CACNA1B: variants seen among roughly 807,000 people sequenced by gnomAD.
The protein encoded by CACNA1B is voltage-dependent N-type calcium channel subunit alpha-1B.
Under a neutral mutation model 247.2 loss-of-function variants are expected in CACNA1B, and 70 were observed. The observed-to-expected ratio is 0.28, with a 90% CI of 0.23 to 0.35. CACNA1B has a LOEUF of 0.35. Ranked by LOEUF, CACNA1B falls within the 10% of genes least tolerant of loss-of-function variation. The pLI, the probability that CACNA1B is intolerant of heterozygous loss-of-function variation, is 1.00. For synonymous variants in CACNA1B, 1,231 were observed against 1,294.4 expected (o/e 0.95, Z 1.05); for missense variants, 2,367 against 3,197.4 (o/e 0.74, Z 6.26).
chr9:138,069,928 C>T (rs1349039595), intron 32 of CACNA1B, among the ~76,000 whole-genome samples, 165 bp downstream of exon 32: 1 of 152,226 alleles, frequency 6.6e-6, no homozygotes, highest in Non-Finnish European at 1.5e-5. Context: ...TCCCTCGGCT[C>T]TGGGCATTCA....
intron 44 of CACNA1B, 144 bp from the exon 45 acceptor site, chr9:138,120,021 C>A: frequency 1.4e-6 from 1 of 694,626 alleles, no homozygotes. Flanking sequence ...GCTACCATTT[C>A]AGGCCTGGGT....
intron 15 of CACNA1B, among the ~76,000 whole-genome samples, chr9:138,000,166 TC>T (rs1183814026): frequency 6.6e-6 from 1 of 151,310 alleles, no homozygotes; most frequent in African/African-American, 2.4e-5. Context: ...TGGTGCGATC[TC>T]GGCTCACTGC....
intron 10 of CACNA1B, among the ~76,000 whole-genome samples, chr9:137,965,955 T>C (rs900114730): frequency 6.6e-6 from 1 of 152,260 alleles, no homozygotes; most frequent in African/African-American, 2.4e-5. Context: ...CTGTATAGTT[T>C]GGGCAATATA....
At chr9:137,909,282 G>T (rs143116644) in intron 3 of CACNA1B, among the ~76,000 whole-genome samples, 1 of 152,146 alleles carries the variant, frequency 6.6e-6, no homozygotes, top group Non-Finnish European at 1.5e-5. Flanking sequence ...GAGCCACTGC[G>T]CCCGGCTTTG....
intron 6 of CACNA1B, among the ~76,000 whole-genome samples, chr9:137,931,628 A>C (rs1957609024): frequency 1.3e-5 from 2 of 151,936 alleles, no homozygotes; most frequent in Admixed American, 1.3e-4. Flanking sequence ...TTCTTCAGTA[A>C]CTGCTTCATG....
intron 6 of CACNA1B, among the ~76,000 whole-genome samples, chr9:137,921,886 C>T (rs1292776210): frequency 6.9e-6 from 1 of 145,734 alleles, no homozygotes; most frequent in African/African-American, 2.6e-5. Context: ...ACTGCAGCCG[C>T]GCAGCATCCT....
chr9:137,959,934 A>C (rs1957991304), intron 10 of CACNA1B, among the ~76,000 whole-genome samples: 1 of 152,188 alleles, frequency 6.6e-6, no homozygotes, highest in Admixed American at 6.5e-5. Flanking sequence ...TCAGGAAGGC[A>C]GGAGTGGAAG....
At chr9:138,035,120 G>T (rs139430421) in intron 20 of CACNA1B, among the ~76,000 whole-genome samples, 1 of 152,270 alleles carries the variant, frequency 6.6e-6, no homozygotes, top group African/African-American at 2.4e-5. Flanking sequence ...ACCTCAGTTC[G>T]TCTCATCATG....
intron 39 of CACNA1B, among the ~76,000 whole-genome samples, chr9:138,107,364 G>A (rs566443904): frequency 2.9e-4 from 44 of 151,394 alleles, no homozygotes; most frequent in African/African-American, 9.2e-4. Context: ...CTCCTGCCTC[G>A]GCCTCCCAAA....
chr9:138,016,737 G>A (rs1241988096), intron 18 of CACNA1B, among the ~76,000 whole-genome samples: 2 of 152,172 alleles, frequency 1.3e-5, no homozygotes, highest in African/African-American at 4.8e-5. Context: ...CATCTTGAGG[G>A]CCGGGAGACC....
At chr9:138,045,897 C>G (rs575774593) in intron 21 of CACNA1B, among the ~76,000 whole-genome samples, 1 of 152,174 alleles carries the variant, frequency 6.6e-6, no homozygotes, top group South Asian at 2.1e-4. Flanking sequence ...CTTGGGGGTT[C>G]GCAGGTGTGG....
rs267602181 is a variant in CACNA1B, at chr9:138,059,171, C to T, written c.4566C>T (p.Ile1522=). The change falls in exon 30 of 47, where the codon ATC becomes ATT. Residue 1522 remains isoleucine, a synonymous_variant. Coordinates refer to ENST00000371372, the MANE Select transcript of CACNA1B (RefSeq NM_000718.4). The surrounding 1 kb of genome is among the most constrained non-coding windows in gnomAD (Gnocchi z 4.2). ...SMFSMECVLK[I]IAFGVLNYFR... is the part of the protein sequence containing the mutation. ...TCTCCATGGAATGCGTGCTGAAGATCATCGCCTTTGGGGTGCTGGTACGTG... is the reference window on the plus strand; with the variant it reads ...TCTCCATGGAATGCGTGCTGAAGATTATCGCCTTTGGGGTGCTGGTACGTG... The T allele has an allele frequency of 1.9e-6, 3 of 1,608,636 alleles. No homozygotes were observed. The highest frequency in any genetic ancestry group is 2.6e-6 in the Non-Finnish European group (3 of 1,175,274).
intron 21 of CACNA1B, among the ~76,000 whole-genome samples, chr9:138,045,328 CT>C (rs1425800143): frequency 6.6e-6 from 1 of 152,102 alleles, no homozygotes; most frequent in Non-Finnish European, 1.5e-5. Context: ...CAGCAGGGCC[CT>C]TTTATGGGGA....
chr9:137,992,780 G>A (rs1210614558), intron 15 of CACNA1B, among the ~76,000 whole-genome samples: 1 of 145,122 alleles, frequency 6.9e-6, no homozygotes, highest in African/African-American at 2.6e-5. Flanking sequence ...CTGGGCGACA[G>A]AGCGAGACTC....
In CACNA1B at chr9:138,075,922, G is replaced by T; in HGVS notation, c.4949+12G>T. 6.4e-7 allele frequency: 1 copy of T among 1,572,820 alleles called. No individual in the cohort carries two copies. The highest frequency in any genetic ancestry group is 8.7e-7 in the Non-Finnish European group (1 of 1,146,686). On this transcript the variant is annotated intron_variant, in intron 35 of 46. Coordinates refer to ENST00000371372, the MANE Select transcript of CACNA1B (RefSeq NM_000718.4). ...ATGCTGCTGTTCAGGTGTGTTGTTCGGTCAGCCCAGGCCAATGTCTGCTCT... is the reference window on the plus strand; with the variant it reads ...ATGCTGCTGTTCAGGTGTGTTGTTCTGTCAGCCCAGGCCAATGTCTGCTCT...
intron 20 of CACNA1B, among the ~76,000 whole-genome samples, chr9:138,030,387 A>G (rs1006305056): frequency 4.6e-5 from 7 of 151,660 alleles, no homozygotes; most frequent in African/African-American, 1.5e-4. Flanking sequence ...ATGGTATTTT[A>G]TATTGATTTA....
chr9:138,111,774 G>A (rs77732577), intron 39 of CACNA1B, among the ~76,000 whole-genome samples: 2,873 of 151,344 alleles, frequency 0.019, 26 homozygotes, highest in Middle Eastern at 0.041. Context: ...CTGGCCCTTC[G>A]GGTGACACAG....
chr9:137,924,883 G>C (rs896971890), intron 6 of CACNA1B, among the ~76,000 whole-genome samples: 8 of 152,226 alleles, frequency 5.3e-5, no homozygotes, highest in Admixed American at 5.2e-4. Context: ...AAAGGAAGCG[G>C]ACCTTGGTGT....
rs546807850 is a variant in CACNA1B, at chr9:138,020,719, G to C, written c.2268-2292G>C. ...GCTGCTCAGCATGTTGCTCTGCCTGGGTGGTCACGGGGGAGCCTGCCAGCC... is the reference window on the plus strand; with the variant it reads ...GCTGCTCAGCATGTTGCTCTGCCTGCGTGGTCACGGGGGAGCCTGCCAGCC... On this transcript the variant is annotated intron_variant, in intron 18 of 46. Transcript: ENST00000371372. The surrounding 1 kb of genome is among the most constrained non-coding windows in gnomAD (Gnocchi z 4.1). 2.0e-5 allele frequency among the ~76,000 whole-genome samples: 3 copies of C among 152,326 alleles called. No homozygotes were observed. In the East Asian group the frequency reaches 5.8e-4, roughly 29 times the overall value.
Sources: gnomAD v4.1 joint callset for allele counts (sites outside exome capture counted in the v4.1 genomes callset) on GRCh38, gnomAD v4.1.1 for gene constraint, Gnocchi (gnomAD v3.1) non-coding constraint, MANE v1.5 for transcripts, NCBI Gene and HGNC (gene_info 2026-07-23, HGNC 2026-07-21) for gene names.